The following KCNIP4 variants were observed in gnomAD, a reference collection of about 807,000 sequenced individuals.
KCNIP4 encodes potassium voltage-gated channel interacting protein 4.
In KCNIP4, 12 loss-of-function variants were observed where a neutral mutation model predicts 34.0. That is an observed-to-expected ratio of 0.35 (90% CI 0.23 to 0.57). The LOEUF (loss-of-function observed/expected upper bound fraction) is 0.57. KCNIP4 is among the 20% of genes least tolerant of loss of function. The pLI, the probability that KCNIP4 is intolerant of heterozygous loss-of-function variation, is 0.83. For missense variants in KCNIP4, 238 were observed against 311.7 expected (o/e 0.76, Z 1.78); for synonymous variants, 124 against 102.2 (o/e 1.21, Z -1.29).
chr4:21,800,996 G>A (rs994257769), intron 1 of KCNIP4, among the ~76,000 whole-genome samples: 2 of 152,124 alleles, frequency 1.3e-5, no homozygotes, highest in Non-Finnish European at 2.9e-5. Flanking sequence ...CATTCTCCGA[G>A]TCAGAAACTT....
intron 1 of KCNIP4, among the ~76,000 whole-genome samples, chr4:20,944,917 C>G (rs1023093661): frequency 2.0e-5 from 3 of 152,144 alleles, no homozygotes; most frequent in African/African-American, 7.2e-5. Flanking sequence ...TCTCCATGAA[C>G]CAGTTCAATC....
At chr4:21,416,821 G>T (rs1194169251) in intron 1 of KCNIP4, among the ~76,000 whole-genome samples, 1 of 152,112 alleles carries the variant, frequency 6.6e-6, no homozygotes, top group Non-Finnish European at 1.5e-5. Flanking sequence ...TATTTGAAAA[G>T]AATTTATTTG....
At chr4:21,335,294 C>CTT (rs1716065756) in intron 1 of KCNIP4, among the ~76,000 whole-genome samples, 1 of 151,610 alleles carries the variant, frequency 6.6e-6, no homozygotes, top group Admixed American at 6.6e-5. Flanking sequence ...TCTCTGAACT[C>CTT]TTTTACCTTA....
chr4:21,603,698 T>C (rs1503983), intron 1 of KCNIP4, among the ~76,000 whole-genome samples: 7 of 148,590 alleles, frequency 4.7e-5, no homozygotes, highest in Non-Finnish European at 7.5e-5. Flanking sequence ...GTAGCAATGA[T>C]AAAAAAAAAA....
intron 1 of KCNIP4, among the ~76,000 whole-genome samples, chr4:21,385,197 G>A (rs2109491443): frequency 6.6e-6 from 1 of 152,298 alleles, no homozygotes; most frequent in South Asian, 2.1e-4. Context: ...TAAAATTGGA[G>A]TGAGAGAGGT....
intron 1 of KCNIP4, among the ~76,000 whole-genome samples, chr4:20,930,048 C>T (rs1198602041): frequency 1.3e-5 from 2 of 151,716 alleles, no homozygotes; most frequent in African/African-American, 2.4e-5. Context: ...ACCACAGACA[C>T]ATAAAAACAG....
At chr4:21,011,911 C>G (rs930662137) in intron 1 of KCNIP4, among the ~76,000 whole-genome samples, 9 of 152,174 alleles carry the variant, frequency 5.9e-5, no homozygotes, top group Non-Finnish European at 8.8e-5. Flanking sequence ...GTGGCATAAT[C>G]AAGACAAGTT....
At chr4:21,481,318 C>T (rs79442348) in intron 1 of KCNIP4, among the ~76,000 whole-genome samples, 3,813 of 152,202 alleles carry the variant, frequency 0.025, 78 homozygotes, top group Middle Eastern at 0.065. Context: ...AAGGTGAGTC[C>T]CTCACAACAT....
chr4:21,389,885 C>T (rs1722397706), intron 1 of KCNIP4, among the ~76,000 whole-genome samples: 2 of 151,992 alleles, frequency 1.3e-5, no homozygotes, highest in African/African-American at 4.8e-5. Flanking sequence ...ACACTGTCTT[C>T]CACAATGATT....
At chr4:21,038,136 C>T (rs1209098288) in intron 1 of KCNIP4, among the ~76,000 whole-genome samples, 4 of 152,122 alleles carry the variant, frequency 2.6e-5, no homozygotes, top group African/African-American at 7.2e-5. Context: ...TGCCACCACG[C>T]CCAGCTAACT....
At chr4:21,778,030 T>A (rs958394888) in intron 1 of KCNIP4, among the ~76,000 whole-genome samples, 2 of 152,128 alleles carry the variant, frequency 1.3e-5, no homozygotes, top group Non-Finnish European at 2.9e-5. Context: ...AGGACATAAT[T>A]CTTCAAGAAC....
At chr4:21,147,338 G>A (rs1417273394) in intron 1 of KCNIP4, among the ~76,000 whole-genome samples, 1 of 152,104 alleles carries the variant, frequency 6.6e-6, no homozygotes, top group Admixed American at 6.5e-5. Context: ...CAGCCAGAGA[G>A]ACCGTAGCTT....
chr4:21,249,724 G>T lies in KCNIP4; in HGVS notation c.62-367015C>A, dbSNP rs551391446. Among the ~76,000 whole-genome samples the T allele has an allele frequency of 2.0e-5, 3 of 152,120 alleles. No individual in the cohort carries two copies. The East Asian group carries it at 5.8e-4, about 29-fold the overall frequency. On this transcript the variant is annotated intron_variant, in intron 1 of 8. Transcript: ENST00000382152. ...ATTTGAAGATGTTCATTTAGAATAT[G>T]CACCAGTATTTTCATTTAAATTAGT...
At chr4:21,732,759 TGAAAA>T (rs1715704492) in intron 1 of KCNIP4, among the ~76,000 whole-genome samples, 1 of 152,138 alleles carries the variant, frequency 6.6e-6, no homozygotes, top group African/African-American at 2.4e-5. Context: ...ATACCAGTGC[TGAAAA>T]GTGATACTCT....
At chr4:21,356,015 C>T (rs576078486) in intron 1 of KCNIP4, among the ~76,000 whole-genome samples, 5 of 152,106 alleles carry the variant, frequency 3.3e-5, no homozygotes, top group Non-Finnish European at 5.9e-5. Context: ...AATCAATAAA[C>T]GTAATCCATC....
chr4:21,177,878 A>ATATATATATATATATATATGT (rs397839047), intron 1 of KCNIP4, among the ~76,000 whole-genome samples: 1 of 145,482 alleles, frequency 6.9e-6, no homozygotes, highest in African/African-American at 2.6e-5. Flanking sequence ...ATATATATAT[A>ATATATATATATATATATATGT]AAATATAACA....
intron 2 of KCNIP4, among the ~76,000 whole-genome samples, chr4:20,862,916 T>A (rs1316479965): frequency 6.6e-6 from 1 of 152,018 alleles, no homozygotes; most frequent in Non-Finnish European, 1.5e-5. Context: ...GGAGCTAAAA[T>A]ATAAGAACAC....
intron 1 of KCNIP4, among the ~76,000 whole-genome samples, chr4:21,457,065 C>T (rs968889546): frequency 6.6e-6 from 1 of 152,032 alleles, no homozygotes; most frequent in Non-Finnish European, 1.5e-5. Flanking sequence ...AAAAACATAT[C>T]CATTGTATCT....
At chr4:21,122,410 CA>C (rs1488023155) in intron 1 of KCNIP4, among the ~76,000 whole-genome samples, 2 of 150,102 alleles carry the variant, frequency 1.3e-5, no homozygotes, top group Non-Finnish European at 3.0e-5. Context: ...ATTTCTCAAC[CA>C]AAACAATGTA....
Sources: allele counts gnomAD v4.1 joint callset (sites outside exome capture counted in the v4.1 genomes callset), GRCh38; gene constraint gnomAD v4.1.1; transcripts MANE v1.5; gene names NCBI Gene and HGNC (gene_info 2026-07-23, HGNC 2026-07-21).